The following WDFY4 variants were observed in gnomAD, a reference collection of about 807,000 sequenced individuals.
WDFY4 encodes the protein WD repeat- and FYVE domain-containing protein 4.
In WDFY4, 169 loss-of-function variants were observed where a neutral mutation model predicts 351.9. The ratio of observed to expected loss-of-function variants is 0.48; its 90% confidence interval spans 0.42 to 0.55. The LOEUF is 0.55. Among genes scored for constraint, WDFY4 ranks in the 20% least tolerant of loss-of-function variants. The probability of loss-of-function intolerance (pLI) is 0.00; values close to 1 mark genes in which losing one functional copy is unlikely to be tolerated. For synonymous variants in WDFY4, 1,622 were observed against 1,574.6 expected (o/e 1.03, Z -0.71); for missense variants, 3,803 against 3,935.6 (o/e 0.97, Z 0.90).
chr10:48,942,977 A>G (rs957232339), intron 48 of WDFY4, among the ~76,000 whole-genome samples: 3 of 152,186 alleles, frequency 2.0e-5, no homozygotes, highest in Non-Finnish European at 2.9e-5. Flanking sequence ...CTAACCATCA[A>G]TAGGTCAGCA....
intron 47 of WDFY4, among the ~76,000 whole-genome samples, chr10:48,934,458 A>G (rs1457347962): frequency 6.6e-6 from 1 of 152,208 alleles, no homozygotes; most frequent in African/African-American, 2.4e-5. Context: ...GTGGAGTCAC[A>G]AAGACTCTAA....
chr10:48,788,667 G>A lies in WDFY4; in HGVS notation c.3946G>A (p.Ala1316Thr), dbSNP rs1471160454. Reference protein sequence around the residue: ...AYNEVDSRLIAKEMNISSRDN... With the variant: ...AYNEVDSRLITKEMNISSRDN... Reference sequence around the variant, plus strand: ...CAATGAGGTGGACAGCCGCCTGATCGCCAAAGAGGTACATCTTCTAACTTC... The same window carrying A: ...CAATGAGGTGGACAGCCGCCTGATCACCAAAGAGGTACATCTTCTAACTTC... Residue 1316 changes from alanine to threonine, a missense_variant, in exon 21 of 62, where the codon GCC (alanine) becomes ACC (threonine). By Grantham distance (58) the Ala-to-Thr change is moderately conservative (BLOSUM62 0). Transcript: ENST00000325239. 5 of 1,551,536 alleles carry A rather than the reference G, an allele frequency of 3.2e-6. No homozygotes were observed. The highest frequency in any genetic ancestry group is 2.4e-5 in the East Asian group (1 of 40,928).
chr10:48,903,743 A>T (rs34874893), intron 47 of WDFY4, among the ~76,000 whole-genome samples: 4,809 of 152,236 alleles, frequency 0.032, 241 homozygotes, highest in African/African-American at 0.11. Flanking sequence ...CATCTCAAAG[A>T]CATCATGGAG....
chr10:48,880,462 C>T (rs1331723112), intron 43 of WDFY4, among the ~76,000 whole-genome samples: 1 of 152,238 alleles, frequency 6.6e-6, no homozygotes, highest in Non-Finnish European at 1.5e-5. Context: ...AAGTTTCAGT[C>T]TTCCTTGGCC....
intron 1 of WDFY4, among the ~76,000 whole-genome samples, chr10:48,707,278 G>C (rs1452058004): frequency 6.6e-6 from 1 of 152,162 alleles, no homozygotes; most frequent in African/African-American, 2.4e-5. Context: ...TGCCAAGCAG[G>C]GTGGTAATGA....
At chr10:48,712,638 G>A (rs117937779) in intron 2 of WDFY4, among the ~76,000 whole-genome samples, 2,730 of 152,336 alleles carry the variant, frequency 0.018, 44 homozygotes, top group Middle Eastern at 0.058. Context: ...GAAAGGTGGG[G>A]AAGATGGGAG....
chr10:48,926,939 T>C (rs1054691249), intron 47 of WDFY4, among the ~76,000 whole-genome samples: 1 of 152,160 alleles, frequency 6.6e-6, no homozygotes, highest in Non-Finnish European at 1.5e-5. Flanking sequence ...CCTTGCCACA[T>C]GGAGTGTGAG....
intron 2 of WDFY4, among the ~76,000 whole-genome samples, chr10:48,712,563 G>T (rs1904601): frequency 0.64 from 96,999 of 152,100 alleles, 31,645 homozygotes; most frequent in East Asian, 0.91. Flanking sequence ...ACATTCTGAC[G>T]GACTAATAAA....
intron 1 of WDFY4, among the ~76,000 whole-genome samples, chr10:48,701,926 A>G (rs898910279): frequency 1.3e-5 from 2 of 152,244 alleles, no homozygotes; most frequent in Non-Finnish European, 2.9e-5. Flanking sequence ...TCCCCACTGT[A>G]CAGGATAAAA....
chr10:48,866,537 T>A (rs1323514972), intron 39 of WDFY4, among the ~76,000 whole-genome samples: 1 of 152,192 alleles, frequency 6.6e-6, no homozygotes, highest in Non-Finnish European at 1.5e-5. Context: ...TTTGCATGTA[T>A]CTCAAGGTCC....
At chr10:48,875,172 G>A in intron 42 of WDFY4, 32 bp downstream of exon 42, 1 of 1,232,340 alleles carries the variant, frequency 8.1e-7, no homozygotes, top group Non-Finnish European at 1.1e-6. Flanking sequence ...TCCTTTAATA[G>A]TTAAGCTAAT....
intron 32 of WDFY4, among the ~76,000 whole-genome samples, chr10:48,817,824 C>T (rs900434868): frequency 1.3e-5 from 2 of 152,202 alleles, no homozygotes; most frequent in Non-Finnish European, 2.9e-5. Flanking sequence ...ACTTGCAGGC[C>T]CCTGGGCCAT....
chr10:48,793,487 C>T (rs2940738), intron 23 of WDFY4, among the ~76,000 whole-genome samples: 69,920 of 151,998 alleles, frequency 0.46, 18,857 homozygotes, highest in East Asian at 0.84. Flanking sequence ...TTTGTTTTTG[C>T]TTTTGTTTTT....
At chr10:48,857,760 T>C (rs1008187101) in intron 39 of WDFY4, among the ~76,000 whole-genome samples, 5 of 152,300 alleles carry the variant, frequency 3.3e-5, no homozygotes, top group Middle Eastern at 3.4e-3. Context: ...CTTTTGTACA[T>C]TTTCTGATGA....
chr10:48,938,042 G>T (rs1465029687), intron 47 of WDFY4, among the ~76,000 whole-genome samples: 2 of 152,204 alleles, frequency 1.3e-5, no homozygotes, highest in Non-Finnish European at 2.9e-5. Flanking sequence ...TAGCCCACAC[G>T]CATCAGCAGG....
At chr10:48,848,341 A>C (rs2133159536) in intron 39 of WDFY4, among the ~76,000 whole-genome samples, 1 of 152,376 alleles carries the variant, frequency 6.6e-6, no homozygotes, top group East Asian at 1.9e-4. Context: ...AAGAACTTGT[A>C]TTCCAAGGTG....
At position 48,789,992 on chromosome 10, in the gene WDFY4, T is replaced by G. The variant is rs1297682109; in HGVS notation, c.4066+7T>G. 6.4e-7 allele frequency: 1 copy of G among 1,551,944 alleles called. No individual in the cohort carries two copies. Among genetic ancestry groups the G allele is most frequent in the South Asian group, 1.2e-5 (1 of 84,062 alleles). On this transcript the variant is annotated splice_region_variant and intron_variant, in intron 22 of 61. Coordinates refer to ENST00000325239, the MANE Select transcript of WDFY4 (RefSeq NM_001394531.1). ...GTTGCTGTGGGTCAATTAGGTATGT[T>G]CAACTGGGAAGCTTTGCCGCTATTT...
chr10:48,976,772 A>C, intron 58 of WDFY4, 25 bp from the exon 59 acceptor site: 1 of 1,353,192 alleles, frequency 7.4e-7, no homozygotes, highest in Non-Finnish European at 9.6e-7. Context: ...TCCAGCTTAG[A>C]GTGATGCCAG....
At chr10:48,723,791 C>A (rs1333556343) in intron 5 of WDFY4, among the ~76,000 whole-genome samples, 2 of 152,214 alleles carry the variant, frequency 1.3e-5, no homozygotes, top group Non-Finnish European at 2.9e-5. Context: ...TGTACCCACC[C>A]CTGTGCCATG....
Sources: gnomAD v4.1 joint callset for allele counts (sites outside exome capture counted in the v4.1 genomes callset) on GRCh38, gnomAD v4.1.1 for gene constraint, MANE v1.5 for transcripts, NCBI Gene and HGNC (gene_info 2026-07-23, HGNC 2026-07-21) for gene names.